Variants in PSG1 observed in about 807,000 individuals in gnomAD.
PSG1 encodes the protein pregnancy-specific beta-1-glycoprotein 1.
In PSG1, 60 loss-of-function variants were observed where a neutral mutation model predicts 41.4. The ratio of observed to expected loss-of-function variants is 1.45; its 90% CI spans 1.18 to 1.80. The LOEUF is 1.80. Among genes scored for constraint, PSG1 ranks in the 40% most tolerant of loss-of-function variants. The pLI is 0.00. For missense variants in PSG1, 806 were observed against 516.9 expected, an observed-to-expected ratio of 1.56 and a Z score of -5.42; for synonymous variants, 256 against 192.9, an observed-to-expected ratio of 1.33 and a Z score of -2.71.
chr19:42,876,846 C>T lies in PSG1; in HGVS notation c.430+1067G>A, dbSNP rs569968802. The T allele has an allele frequency of 2.3e-3, 359 of 153,780 alleles. 11 individuals carry two copies. The highest frequency in any genetic ancestry group is 7.1e-3 in the African/African-American group (295 of 41,288). 9.5% of individuals were successfully genotyped at this position (153,780 alleles called of 1,614,324 possible). ...CCTAAGAAGAGAGGATTTGAGCCAACAAATGACTATGGGGTGCTTGGAACC... is the reference window on the plus strand; with the variant it reads ...CCTAAGAAGAGAGGATTTGAGCCAATAAATGACTATGGGGTGCTTGGAACC... On this transcript the variant is annotated intron_variant, in intron 2 of 5. Coordinates refer to ENST00000436291, the MANE Select transcript of PSG1 (RefSeq NM_001184825.2).
At chr19:42,879,320 A>C (rs886629258) in intron 1 of PSG1, among the ~76,000 whole-genome samples, 198 bp downstream of exon 1, 2 of 150,972 alleles carry the variant, frequency 1.3e-5, no homozygotes, top group Non-Finnish European at 3.0e-5. Flanking sequence ...ACCTGGTTAA[A>C]TTTTTGTATT....
At chr19:42,872,111 A>G in intron 2 of PSG1, 66 bp from the exon 3 acceptor site, 1 of 1,558,638 alleles carries the variant, frequency 6.4e-7, no homozygotes, top group Non-Finnish European at 8.7e-7. Flanking sequence ...GGCATTTTTC[A>G]ATCAGAATTG....
chr19:42,869,190 T>C (rs1221578817), intron 3 of PSG1, 156 bp from the exon 4 acceptor site: 19 of 1,464,446 alleles, frequency 1.3e-5, no homozygotes, highest in South Asian at 2.8e-5. Flanking sequence ...TGCATGATGA[T>C]CTAAGGGCTC....
In PSG1 at chr19:42,871,860, C is replaced by A. The variant is rs1231659757; in HGVS notation, c.616G>T (p.Gly206Cys). Residue 206 changes from glycine (G) to cysteine (C), a missense_variant, in exon 3 of 6, where the codon GGT becomes TGT. Gly to Cys is a radical substitution (Grantham distance 159). Coordinates refer to ENST00000436291, the MANE Select transcript of PSG1 (RefSeq NM_001184825.2). ...GGTCCTGCAGTATACTTTGTGACAC[C>A]CAATAGAAAGAGGGTCCTGTTGGTT... is the stretch of plus-strand genomic sequence containing the variant. ...SETNRTLFLL[G>C]VTKYTAGPYE... is the part of the protein sequence containing the mutation. The A allele has an allele frequency of 1.9e-6, 3 of 1,612,268 alleles. No individual in the cohort carries two copies. Among genetic ancestry groups the A allele is most frequent in the East Asian group, 4.5e-5 (2 of 44,802 alleles).
chr19:42,879,043 A>G (rs10422367), intron 1 of PSG1, among the ~76,000 whole-genome samples: 51,149 of 149,878 alleles, frequency 0.34, 9,517 homozygotes, highest in African/African-American at 0.48. Flanking sequence ...AGATTTTCCT[A>G]CCTCTTACCA....
At chr19:42,867,277 T>C (rs1971171906) in intron 5 of PSG1, 127 bp from the exon 6 acceptor site, 2 of 697,516 alleles carry the variant, frequency 2.9e-6, no homozygotes, top group Non-Finnish European at 5.2e-6. Context: ...CCAATGATAA[T>C]TTCAGTAGAA....
chr19:42,875,048 G>T (rs1177719690), intron 2 of PSG1, among the ~76,000 whole-genome samples: 1 of 151,774 alleles, frequency 6.6e-6, no homozygotes, highest in East Asian at 1.9e-4. Flanking sequence ...TGAGCCCATG[G>T]GGTTTGGGGA....
intron 2 of PSG1, among the ~76,000 whole-genome samples, chr19:42,874,610 G>T (rs1049830368): frequency 1.3e-5 from 2 of 151,796 alleles, no homozygotes; most frequent in Non-Finnish European, 2.9e-5. Flanking sequence ...CAAAGTGCTG[G>T]GATTATAGGC....
intron 3 of PSG1, chr19:42,869,804 AG>A (rs1971304259): frequency 6.6e-6 from 1 of 151,846 alleles, no homozygotes; most frequent in Non-Finnish European, 1.5e-5. Flanking sequence ...TGCAGAGGGC[AG>A]GTGAGGACCA....
rs145363024 is a variant in PSG1, at chr19:42,868,261, C to T, written c.1083G>A (p.Pro361=). 32 of 1,612,068 alleles carry T rather than the reference C, an allele frequency of 2.0e-5. No homozygotes were observed. The highest frequency in any genetic ancestry group is 8.0e-5 in the African/African-American group (6 of 74,564). ...CATTAATTGTCCAAGAATACTGTGC[C>T]GGTGGGTTAGAGTCCGCAGAACAGG... ...YLSCSADSNP[P]AQYSWTINEK... is the part of the protein sequence containing the mutation. Residue 361 remains proline (P), a synonymous_variant, in exon 5 of 6, where the codon CCG becomes CCA. Transcript: ENST00000436291.
Position 42,877,569 on chromosome 19 carries a change from C to T in PSG1, c.430+344G>A, listed in dbSNP as rs193066543. Among the ~76,000 whole-genome samples, 599 of 151,782 alleles carry T rather than the reference C, an allele frequency of 3.9e-3. 11 individuals carry two copies. Among genetic ancestry groups the T allele is most frequent in the Non-Finnish European group, 7.2e-3 (490 of 67,890 alleles). The stretch of plus-strand genomic sequence containing the variant: ...GCTTCTCTGAGAGTATCTCAGGGGG[C>T]CCCTCAGGCCAAGCCCTACTCAGTT... On this transcript the variant is annotated intron_variant, in intron 2 of 5. Coordinates refer to ENST00000436291, the MANE Select transcript of PSG1 (RefSeq NM_001184825.2).
rs756956500 is a variant in PSG1 at position 42,868,823 on chromosome 19, G to A, written c.921C>T (p.Pro307=). 58 of 1,611,700 alleles carry A rather than the reference G, an allele frequency of 3.6e-5. 1 individual carries two copies. Among genetic ancestry groups the A allele is most frequent in the Non-Finnish European group, 1.4e-5 (16 of 1,179,070 alleles). ...LPSVTRNETG[P]YQCEIRDRYG... is the part of the protein sequence containing the mutation. ...ATCGGTCCCGTATTTCACATTGATA[G>A]GGTCCTGTTTCATTTCTCGTGACAC... Residue 307 remains proline (P), a synonymous_variant, in exon 4 of 6, where the codon CCC becomes CCT. Transcript: ENST00000436291.
chr19:42,877,753 T>G (rs1029652852), intron 2 of PSG1, among the ~76,000 whole-genome samples, 160 bp downstream of exon 2: 5 of 151,774 alleles, frequency 3.3e-5, no homozygotes, highest in African/African-American at 9.7e-5. Context: ...CTGTTGAAAT[T>G]TGTCTCCTCT....
chr19:42,869,348 G>T (rs1018161003), intron 3 of PSG1: 14 of 490,438 alleles, frequency 2.9e-5, no homozygotes, highest in Non-Finnish European at 4.4e-5. Context: ...TCAGTTGACT[G>T]GCTGGCTCAC....
chr19:42,867,269 A>G, intron 5 of PSG1, 119 bp from the exon 6 acceptor site: 1 of 711,344 alleles, frequency 1.4e-6, no homozygotes, highest in South Asian at 1.5e-5. Context: ...TACTTTTACC[A>G]ATGATAATTT....
At position 42,877,096 on chromosome 19, in the gene PSG1, G is replaced by T. The variant is rs1041972411; in HGVS notation, c.430+817C>A. ...ATTATTCACAGTCACCTGACCTAATGCTTGGCACAGTGGAGGTTTCACACA... is the reference window on the plus strand; with the variant it reads ...ATTATTCACAGTCACCTGACCTAATTCTTGGCACAGTGGAGGTTTCACACA... On this transcript the variant is annotated intron_variant, in intron 2 of 5. Coordinates refer to ENST00000436291, the MANE Select transcript of PSG1 (RefSeq NM_001184825.2). 1.1e-4 allele frequency among the ~76,000 whole-genome samples: 17 copies of T among 151,766 alleles called. 1 individual carries two copies. Among genetic ancestry groups the T allele is most frequent in the African/African-American group, 3.6e-4 (15 of 41,352 alleles).
intron 2 of PSG1, among the ~76,000 whole-genome samples, chr19:42,876,377 G>A (rs1157403601): frequency 1.3e-5 from 2 of 151,524 alleles, no homozygotes; most frequent in Middle Eastern, 3.4e-3. Flanking sequence ...ACATGAGGTG[G>A]GGTGGCTTTA....
Position 42,868,238 on chromosome 19 carries a change from T to G in PSG1, c.1106A>C (p.Asn369Thr). 1 of 1,612,318 alleles carries G rather than the reference T, an allele frequency of 6.2e-7. No homozygotes were observed. Among genetic ancestry groups the G allele is most frequent in the South Asian group, 1.1e-5 (1 of 90,812 alleles). The part of the protein sequence containing the change: ...NPPAQYSWTI[N>T]EKFQLPGQKL... ...TTGTCCTGGTAGCTGAAACTTTTCA[T>G]TAATTGTCCAAGAATACTGTGCCGG... The change falls in exon 5 of 6, where the codon AAT (asparagine) becomes ACT (threonine). Residue 369 changes from asparagine to threonine, a missense_variant. By Grantham distance (65) the Asn-to-Thr change is moderately conservative. Coordinates refer to ENST00000436291, the MANE Select transcript of PSG1 (RefSeq NM_001184825.2).
chr19:42,867,593 C>T (rs921629908), intron 5 of PSG1: 2 of 666,988 alleles, frequency 3.0e-6, no homozygotes, highest in Admixed American at 3.0e-5. Context: ...ACAAAGAAAG[C>T]AGATTGTTAC....
Sources: gnomAD v4.1 joint callset for allele counts (sites outside exome capture counted in the v4.1 genomes callset) on GRCh38, gnomAD v4.1.1 for gene constraint, MANE v1.5 for transcripts, NCBI Gene and HGNC (gene_info 2026-07-23, HGNC 2026-07-21) for gene names.